The following SIGLEC8 variants were observed in gnomAD, a reference collection of about 807,000 sequenced individuals.
SIGLEC8 encodes the protein sialic acid-binding Ig-like lectin 8.
SIGLEC8 carries 32 observed loss-of-function variants against 42.1 expected under a neutral mutation model. The ratio of observed to expected loss-of-function variants is 0.76; its 90% confidence interval spans 0.57 to 1.02. SIGLEC8 has a LOEUF of 1.02. Among genes scored for constraint, SIGLEC8 ranks in the 50% least tolerant of loss-of-function variants. The probability of loss-of-function intolerance (pLI) is 0.00; values close to 1 mark genes in which losing one functional copy is unlikely to be tolerated. For synonymous variants in SIGLEC8, 262 were observed against 260.3 expected (o/e 1.01, Z -0.06); for missense variants, 611 against 610.2 (o/e 1.00, Z -0.01).
Position 51,454,437 on chromosome 19 carries a change from T to G in SIGLEC8, c.1149-122A>C, listed in dbSNP as rs1599927935. The G allele has an allele frequency of 6.4e-6, 10 of 1,553,426 alleles. No homozygotes were observed. Among genetic ancestry groups the G allele is most frequent in the South Asian group, 1.1e-5 (1 of 87,528 alleles). Reference sequence around the variant, plus strand: ...GGTGACCGAGGCGCAACGGCGGTGGTCCAGTTCCAGAGACCCCAACGGTGA... The same window carrying G: ...GGTGACCGAGGCGCAACGGCGGTGGGCCAGTTCCAGAGACCCCAACGGTGA... On this transcript the variant is annotated intron_variant, in intron 5 of 6. Coordinates refer to ENST00000321424, the MANE Select transcript of SIGLEC8 (RefSeq NM_014442.3). The surrounding 1 kb of genome is among the most constrained non-coding windows in gnomAD (Gnocchi z 4.7).
intron 3 of SIGLEC8, 39 bp downstream of exon 3, chr19:51,457,145 C>T: frequency 1.3e-6 from 2 of 1,583,456 alleles, no homozygotes; most frequent in Non-Finnish European, 1.7e-6. Context: ...GAGCTGAAGG[C>T]CCTGCTCCCC....
chr19:51,454,109 G>A lies in SIGLEC8; in HGVS notation c.1245+110C>T. 1 of 1,534,886 alleles carries A rather than the reference G, an allele frequency of 6.5e-7. No individual in the cohort carries two copies. The highest frequency in any genetic ancestry group is 8.8e-7 in the Non-Finnish European group (1 of 1,141,736). ...GTAGAAGCCGGCCTGTGGGAAGGAG[G>A]AGGAGACGAGGAAGTGACTTTGGCC... On this transcript the variant is annotated intron_variant, in intron 6 of 6. Transcript: ENST00000321424. The surrounding 1 kb of genome is among the most constrained non-coding windows in gnomAD (Gnocchi z 4.7).
At chr19:51,452,936 C>T (rs907834651) in intron 6 of SIGLEC8, among the ~76,000 whole-genome samples, 1 of 152,130 alleles carries the variant, frequency 6.6e-6, no homozygotes, top group African/African-American at 2.4e-5. Flanking sequence ...TGCAGCAGGA[C>T]CCAATCCATC....
chr19:51,457,705 C>A lies in SIGLEC8; in HGVS notation c.489G>T (p.Gly163=). Residue 163 remains glycine (G), a synonymous_variant, in exon 2 of 7, where the codon GGG becomes GGT. Coordinates refer to ENST00000321424, the MANE Select transcript of SIGLEC8 (RefSeq NM_014442.3). ...LTHRPDILIL[G]TLESGHSRNL... Reference sequence around the variant, plus strand: ...TCCTGGAGTGGCCAGACTCTAGGGTCCCTAGGATGAGGATGTCAGGCCTAT... The same window carrying A: ...TCCTGGAGTGGCCAGACTCTAGGGTACCTAGGATGAGGATGTCAGGCCTAT... 6.3e-7 allele frequency: 1 copy of A among 1,596,076 alleles called. No individual in the cohort carries two copies. The highest frequency in any genetic ancestry group is 8.5e-7 in the Non-Finnish European group (1 of 1,172,160).
intron 1 of SIGLEC8, 83 bp from the exon 2 acceptor site, chr19:51,457,822 C>A: frequency 6.5e-7 from 1 of 1,547,898 alleles, no homozygotes. Context: ...TCCAGCTCCT[C>A]CCCGGAGACC....
chr19:51,455,875 C>A (rs1219574193), intron 3 of SIGLEC8, among the ~76,000 whole-genome samples, 188 bp from the exon 4 acceptor site: 1 of 152,138 alleles, frequency 6.6e-6, no homozygotes, highest in South Asian at 2.1e-4. Context: ...CACATATACA[C>A]CATGGAATAC....
chr19:51,452,409 G>A lies in SIGLEC8; in HGVS notation c.1470C>T (p.His490=), dbSNP rs757634710. Residue 490 remains histidine (H), a synonymous_variant, in exon 7 of 7, where the codon CAC becomes CAT. Transcript: ENST00000321424. ...TAETQACLRN[H]NPSSKEVRG ...CTCTGACTTCTTTGCTGGAGGGGTT[G>A]TGATTCCTCAAACAGGCCTGAGTCT... is the stretch of plus-strand genomic sequence containing the variant. 3.7e-6 allele frequency: 6 copies of A among 1,607,784 alleles called. No individual in the cohort carries two copies. The Admixed American group carries it at 8.3e-5, about 22-fold the overall frequency.
chr19:51,452,372 A>G lies in SIGLEC8; in HGVS notation c.*7T>C, dbSNP rs36491. 0.19 allele frequency: 309,714 copies of G among 1,588,520 alleles called. 32,865 individuals carry two copies. Among genetic ancestry groups the G allele is most frequent in the East Asian group, 0.47 (20,909 of 44,152 alleles). On this transcript the variant is annotated 3_prime_UTR_variant, in exon 7 of 7. Transcript: ENST00000321424. ...TGGGGCTCTAGAGGGTTCTTGTTCT[A>G]TGAGAATCAGCCTCTGACTTCTTTG...
At position 51,454,154 on chromosome 19, in the gene SIGLEC8, T is replaced by A; in HGVS notation, c.1245+65A>T. On this transcript the variant is annotated intron_variant, in intron 6 of 6. Transcript: ENST00000321424. The surrounding 1 kb of genome is among the most constrained non-coding windows in gnomAD (Gnocchi z 4.7). ...TTGGCCATACCAAAGAGAGCGATCC[T>A]GGGGGCCATCCTGTCAGAGGTGTCC... The A allele has an allele frequency of 6.2e-7, 1 of 1,607,304 alleles. No homozygotes were observed. Among genetic ancestry groups the A allele is most frequent in the Non-Finnish European group, 8.5e-7 (1 of 1,176,250 alleles).
At chr19:51,453,420 G>A in intron 6 of SIGLEC8, 1 of 984,528 alleles carries the variant, frequency 1.0e-6, no homozygotes, top group Middle Eastern at 5.2e-4. Context: ...ATATCAGCTT[G>A]GGTGCGGTGG....
In SIGLEC8 at chr19:51,454,628, G is replaced by T. The variant is rs1989447037; in HGVS notation, c.1148+56C>A. 3.5e-6 allele frequency: 5 copies of T among 1,440,574 alleles called. No individual in the cohort carries two copies. The highest frequency in any genetic ancestry group is 4.9e-6 in the Non-Finnish European group (5 of 1,023,030). The allele number at this position is 1,440,574 out of a possible 1,614,324, so 89.2% of individuals were successfully genotyped here. On this transcript the variant is annotated intron_variant, in intron 5 of 6. Transcript: ENST00000321424. The surrounding 1 kb of genome is among the most constrained non-coding windows in gnomAD (Gnocchi z 4.7). ...TTCCAGCTCTGGCTTCAGGGATTCT[G>T]TTCCCGGTCTGCCCTGCCCCAGGTC...
In SIGLEC8 at chr19:51,454,252, T is replaced by C. The variant is rs149859818; in HGVS notation, c.1212A>G (p.Glu404=). The change falls in exon 6 of 7, where the codon GAA becomes GAG. Residue 404 remains glutamate, a synonymous_variant. Transcript: ENST00000321424. This position sits in a 1 kb window ranked among gnomAD's most constrained non-coding sequence, Gnocchi z 4.7. The stretch of plus-strand genomic sequence containing the variant: ...CCGAGCCCCTGATGGCCTTTGCATC[T>C]TCCATGCCTGTATCCCCCACGCCCG... ...PAAGVGDTGM[E]DAKAIRGSAS... The C allele has an allele frequency of 2.5e-3, 3,989 of 1,611,314 alleles. 16 individuals carry two copies. Among genetic ancestry groups the C allele is most frequent in the Middle Eastern group, 3.2e-3 (19 of 6,030 alleles).
chr19:51,455,575 C>T lies in SIGLEC8; in HGVS notation c.894G>A (p.Gly298=). 1 of 1,613,944 alleles carries T rather than the reference C, an allele frequency of 6.2e-7. No individual in the cohort carries two copies. The highest frequency in any genetic ancestry group is 1.1e-5 in the South Asian group (1 of 91,046). Residue 298 remains glycine, a synonymous_variant, in exon 4 of 7, where the codon GGG becomes GGA. Coordinates refer to ENST00000321424, the MANE Select transcript of SIGLEC8 (RefSeq NM_014442.3). ...ACCGTGAGGGGCACAGGGTCAGGCT[C>T]CCCCGGGTCCAGCTCAGCCTGGCAG... is the stretch of plus-strand genomic sequence containing the variant. The part of the protein sequence containing the change: ...NPPARLSWTR[G]SLTLCPSRSS...
At chr19:51,456,181 C>T (rs771585877) in intron 3 of SIGLEC8, among the ~76,000 whole-genome samples, 2 of 151,968 alleles carry the variant, frequency 1.3e-5, no homozygotes, top group Non-Finnish European at 1.5e-5. Context: ...AACAAACCTG[C>T]ACGTTGTGCA....
chr19:51,457,510 C>A lies in SIGLEC8; in HGVS notation c.684G>T (p.Leu228Phe). The change falls in exon 2 of 7, where the codon TTG (leucine) becomes TTT (phenylalanine). Residue 228 changes from leucine to phenylalanine, a missense_variant. Physicochemically the swap from Leu to Phe is conservative, Grantham distance 22. Transcript: ENST00000321424. ...HGTSLTCQVT[L>F]PGTGVTTTST... ...TGGTCGTGGTCACACCTGTCCCAGG[C>A]AAGGTCACCTGACAGGTGAGGCTGG... is the stretch of plus-strand genomic sequence containing the variant. The A allele has an allele frequency of 6.2e-7, 1 of 1,613,956 alleles. No individual in the cohort carries two copies. The highest frequency in any genetic ancestry group is 2.2e-5 in the East Asian group (1 of 44,868).
chr19:51,453,433 C>T (rs1322935131), intron 6 of SIGLEC8: 43 of 979,882 alleles, frequency 4.4e-5, no homozygotes, highest in Non-Finnish European at 4.8e-5. Flanking sequence ...TGCGGTGGCT[C>T]ATGCCCCTAA....
chr19:51,452,278 A>G lies in SIGLEC8; in HGVS notation c.*101T>C. The G allele has an allele frequency of 1.0e-6, 1 of 998,912 alleles. No homozygotes were observed. The allele number at this position is 998,912 out of a possible 1,614,324, so 61.9% of individuals were successfully genotyped here. ...AGGGATGGGTCCCTGGTAGCCGGGG[A>G]AAGGGGAGACATTGGTCCAAGTTTT... On this transcript the variant is annotated 3_prime_UTR_variant, in exon 7 of 7. Coordinates refer to ENST00000321424, the MANE Select transcript of SIGLEC8 (RefSeq NM_014442.3).
Position 51,457,747 on chromosome 19 carries a change from A to C in SIGLEC8, c.455-8T>G. The C allele has an allele frequency of 6.4e-7, 1 of 1,564,682 alleles. No individual in the cohort carries two copies. The highest frequency in any genetic ancestry group is 1.4e-5 in the African/African-American group (1 of 73,456). ...CAGGCCTATGGGTCAGGGCTGGTGA[A>C]GATGGGGACACAGGATCAGGAGGAG... On this transcript the variant is annotated splice_polypyrimidine_tract_variant and splice_region_variant and intron_variant, in intron 1 of 6. Transcript: ENST00000321424.
intron 6 of SIGLEC8, chr19:51,453,688 C>G: frequency 4.3e-6 from 4 of 935,088 alleles, no homozygotes; most frequent in Non-Finnish European, 5.1e-6. Context: ...GAGCAAGATT[C>G]TGCCTCGAGA....
Sources: allele counts gnomAD v4.1 joint callset (sites outside exome capture counted in the v4.1 genomes callset), GRCh38; gene constraint gnomAD v4.1.1; non-coding constraint Gnocchi (gnomAD v3.1); transcripts MANE v1.5; gene names NCBI Gene and HGNC (gene_info 2026-07-23, HGNC 2026-07-21).